Variants in MRTO4 observed in about 807,000 individuals in gnomAD.
MRTO4 encodes mRNA turnover protein 4 homolog.
In MRTO4, 7 loss-of-function variants were observed where a neutral mutation model predicts 28.6. The observed-to-expected ratio is 0.24, with a 90% CI of 0.14 to 0.46. The LOEUF (loss-of-function observed/expected upper bound fraction) is 0.46, where lower values mean the gene tolerates loss of function less well. MRTO4 is among the 20% of genes least tolerant of loss of function. MRTO4 has a pLI of 0.99. For synonymous variants in MRTO4, 113 were observed against 108.2 expected, an observed-to-expected ratio of 1.04 and a Z score of -0.27; for missense variants, 302 against 298.3, an observed-to-expected ratio of 1.01 and a Z score of -0.09.
At chr1:19,256,827 ATGATGCTCG>A (rs961128780) in intron 3 of MRTO4, among the ~76,000 whole-genome samples, 1 of 152,160 alleles carries the variant, frequency 6.6e-6, no homozygotes. Context: ...GAACTGGTAC[ATGATGCTCG>A]TGATGGGCTG....
chr1:19,252,143 C>T (rs1465843231), intron 1 of MRTO4: 1 of 482,614 alleles, frequency 2.1e-6, no homozygotes, highest in Admixed American at 3.9e-5. Flanking sequence ...GAACACCGCC[C>T]CCGGCTATGC....
intron 1 of MRTO4, among the ~76,000 whole-genome samples, chr1:19,252,925 C>A (rs1017519919): frequency 6.6e-6 from 1 of 152,168 alleles, no homozygotes; most frequent in African/African-American, 2.4e-5. Flanking sequence ...CAGGCGTGAG[C>A]CACTACACCC....
chr1:19,259,521 G>T lies in MRTO4; in HGVS notation c.*691G>T, dbSNP rs9426686. 43,569 of 152,058 alleles carry T rather than the reference G, an allele frequency of 0.29. 7,182 individuals are homozygous for T. The highest frequency in any genetic ancestry group is 0.46 in the African/African-American group (19,137 of 41,408). 9.4% of individuals were successfully genotyped at this position (152,058 alleles called of 1,614,324 possible). ...TAAGCCTGAGAGTTGGAGGCTCAGT[G>T]AGCCATGATCATGCCACTGCACTCC... On this transcript the variant is annotated 3_prime_UTR_variant, in exon 8 of 8. Transcript: ENST00000330263.
chr1:19,257,492 C>T lies in MRTO4; in HGVS notation c.312C>T (p.Phe104=), dbSNP rs2093673217. Residue 104 remains phenylalanine, a synonymous_variant, in exon 5 of 8, where the codon TTC becomes TTT. Coordinates refer to ENST00000330263, the MANE Select transcript of MRTO4 (RefSeq NM_016183.4). ...KRLRGEVGLL[F]TNRTKEEVNE... ...TGAGGGGTGAGGTGGGTCTCCTGTT[C>T]ACCAACCGCACAAAGGAGGAGGTGA... 1 of 1,614,206 alleles carries T rather than the reference C, an allele frequency of 6.2e-7. No individual in the cohort carries two copies. Among genetic ancestry groups the T allele is most frequent in the Non-Finnish European group, 8.5e-7 (1 of 1,180,044 alleles).
In MRTO4 at chr1:19,254,799, G is replaced by T. The variant is rs750418059; in HGVS notation, c.46G>T (p.Ala16Ser). 3 of 1,611,474 alleles carry T rather than the reference G, an allele frequency of 1.9e-6. No homozygotes were observed. The African/African-American group carries it at 4.0e-5, about 22-fold the overall frequency. ...RDKKVSLTKT[A>S]KKGLELKQNL... ...TTTATTAGTCTCCTTAACCAAAACT[G>T]CCAAGAAAGGCTTGGAATTGAAACA... Residue 16 changes from alanine to serine, a missense_variant, in exon 2 of 8, where the codon GCC (alanine) becomes TCC (serine). Physicochemically the swap from Ala to Ser is moderately conservative, Grantham distance 99 (BLOSUM62 1). Coordinates refer to ENST00000330263, the MANE Select transcript of MRTO4 (RefSeq NM_016183.4).
intron 2 of MRTO4, among the ~76,000 whole-genome samples, chr1:19,255,354 G>A (rs1449981349): frequency 4.0e-5 from 6 of 151,418 alleles, no homozygotes; most frequent in Non-Finnish European, 7.4e-5. Context: ...AAAAAAACTA[G>A]CTGGACGTGG....
Position 19,258,517 on chromosome 1 carries a change from G to C in MRTO4, c.534G>C (p.Glu178Asp), listed in dbSNP as rs2151973820. 6.2e-7 allele frequency: 1 copy of C among 1,614,094 alleles called. No individual in the cohort carries two copies. Among genetic ancestry groups the C allele is most frequent in the East Asian group, 2.2e-5 (1 of 44,890 alleles). ...TGTCTGACTACGAGGTGTGCAAGGAGGGCGATGTGCTGACCCCAGAGCAGG... is the reference window on the plus strand; with the variant it reads ...TGTCTGACTACGAGGTGTGCAAGGACGGCGATGTGCTGACCCCAGAGCAGG... ...TLLSDYEVCK[E>D]GDVLTPEQAR... is the part of the protein sequence containing the mutation. The change falls in exon 7 of 8, where the codon GAG becomes GAC. Residue 178 changes from glutamate to aspartate, a missense_variant. Glu to Asp is a conservative substitution (Grantham distance 45, BLOSUM62 2). Coordinates refer to ENST00000330263, the MANE Select transcript of MRTO4 (RefSeq NM_016183.4).
At chr1:19,257,761 TG>T in intron 5 of MRTO4, 71 bp from the exon 6 acceptor site, 2 of 1,574,890 alleles carry the variant, frequency 1.3e-6, no homozygotes, top group South Asian at 1.2e-5. Flanking sequence ...ACGGGACACT[TG>T]GGGGAGCCTG....
At chr1:19,255,440 G>T (rs947532) in intron 2 of MRTO4, among the ~76,000 whole-genome samples, 43,496 of 151,190 alleles carry the variant, frequency 0.29, 7,195 homozygotes, top group African/African-American at 0.46. Flanking sequence ...TTTACCAGGT[G>T]TAGGTGACTG....
At chr1:19,252,663 T>A (rs1490605999) in intron 1 of MRTO4, among the ~76,000 whole-genome samples, 1 of 152,194 alleles carries the variant, frequency 6.6e-6, no homozygotes, top group Non-Finnish European at 1.5e-5. Context: ...CGCTCCACTG[T>A]ACTGCAGCCT....
chr1:19,257,413 T>C, intron 4 of MRTO4, 41 bp from the exon 5 acceptor site: 14 of 1,610,984 alleles, frequency 8.7e-6, no homozygotes, highest in Middle Eastern at 1.7e-4. Flanking sequence ...AGAGAACCAC[T>C]GCTCTAATGT....
At chr1:19,258,119 C>A in intron 6 of MRTO4, 135 bp downstream of exon 6, 1 of 1,199,138 alleles carries the variant, frequency 8.3e-7, no homozygotes, top group Non-Finnish European at 1.1e-6. Context: ...GCTAAGAGTG[C>A]ATGCCTCACA....
rs757200237 is a variant in MRTO4, at chr1:19,251,841, C to A, written c.6C>A (p.Pro2=). 8.2e-6 allele frequency: 13 copies of A among 1,587,706 alleles called. No individual in the cohort carries two copies. The South Asian group carries it at 1.3e-4, about 15-fold the overall frequency. Residue 2 remains proline (P), a synonymous_variant, in exon 1 of 8, where the codon CCC becomes CCA. Transcript: ENST00000330263. M[P]KSKRDKKVSL... is the part of the protein sequence containing the mutation. ...CCGCACGTGGATTCAGCGCGATGCC[C>A]AAATCCAAGCGCGACAAGAAAGGTG...
chr1:19,251,859 G>T lies in MRTO4; in HGVS notation c.24G>T (p.Lys8Asn). MPKSKRD[K>N]KVSLTKTAKK... ...CGATGCCCAAATCCAAGCGCGACAA[G>T]AAAGGTGGGCGAAGGGGGAGTCGGG... The change falls in exon 1 of 8, where the codon AAG becomes AAT. Residue 8 changes from lysine to asparagine, a missense_variant. Lys to Asn is a moderately conservative substitution (Grantham distance 94). Transcript: ENST00000330263. 6.3e-7 allele frequency: 1 copy of T among 1,591,978 alleles called. No individual in the cohort carries two copies. Among genetic ancestry groups the T allele is most frequent in the Non-Finnish European group, 8.5e-7 (1 of 1,169,878 alleles).
intron 1 of MRTO4, among the ~76,000 whole-genome samples, chr1:19,253,091 C>G (rs1470533147): frequency 6.6e-6 from 1 of 152,160 alleles, no homozygotes; most frequent in Non-Finnish European, 1.5e-5. Context: ...TATTTCTTAT[C>G]GAGCCTAACG....
intron 1 of MRTO4, among the ~76,000 whole-genome samples, chr1:19,252,930 A>G (rs2093664948): frequency 6.6e-6 from 1 of 152,114 alleles, no homozygotes; most frequent in Admixed American, 6.5e-5. Context: ...GTGAGCCACT[A>G]CACCCGACTT....
intron 4 of MRTO4, 43 bp downstream of exon 4, chr1:19,257,188 C>A: frequency 6.3e-7 from 1 of 1,587,524 alleles, no homozygotes; most frequent in South Asian, 1.1e-5. Flanking sequence ...GGCAAAGCCG[C>A]CCTCTCTCCC....
chr1:19,254,663 G>A, intron 1 of MRTO4, 119 bp from the exon 2 acceptor site: 1 of 858,332 alleles, frequency 1.2e-6, no homozygotes, highest in South Asian at 1.4e-5. Flanking sequence ...AGGCCTTGCT[G>A]CCTTTTTTCA....
Position 19,258,126 on chromosome 1 carries a change from C to T in MRTO4, c.493+142C>T. ...AAAATGGGGCTAAGAGTGCATGCCT[C>T]ACAGTGGGGGTGAAAGCAGACAGTA... is the stretch of plus-strand genomic sequence containing the variant. On this transcript the variant is annotated intron_variant, in intron 6 of 7. Coordinates refer to ENST00000330263, the MANE Select transcript of MRTO4 (RefSeq NM_016183.4). 2.6e-6 allele frequency: 3 copies of T among 1,149,916 alleles called. No homozygotes were observed. In the South Asian group the frequency reaches 4.9e-5, roughly 19 times the overall value. 71.2% of individuals were successfully genotyped at this position (1,149,916 alleles called of 1,614,324 possible).
Sources: allele counts gnomAD v4.1 joint callset (sites outside exome capture counted in the v4.1 genomes callset), GRCh38; gene constraint gnomAD v4.1.1; transcripts MANE v1.5; gene names NCBI Gene and HGNC (gene_info 2026-07-23, HGNC 2026-07-21).